Variants in SPRED1 observed in about 807,000 individuals in gnomAD.
SPRED1 encodes sprouty-related, EVH1 domain-containing protein 1.
Under a neutral mutation model 52.3 loss-of-function variants are expected in SPRED1, and 18 were observed. The observed-to-expected ratio is 0.34, with a 90% confidence interval of 0.24 to 0.51. The LOEUF is 0.51. SPRED1 is among the 20% of genes least tolerant of loss of function. The probability of loss-of-function intolerance (pLI) is 0.97; values close to 1 mark genes in which losing one functional copy is unlikely to be tolerated. For synonymous variants in SPRED1, 155 were observed against 179.7 expected, an observed-to-expected ratio of 0.86 and a Z score of 1.10; for missense variants, 485 against 551.0, an observed-to-expected ratio of 0.88 and a Z score of 1.20.
chr15:38,297,495 G>A (rs72711705), intron 1 of SPRED1, among the ~76,000 whole-genome samples: 13,818 of 152,152 alleles, frequency 0.091, 757 homozygotes, highest in East Asian at 0.21. Context: ...TCCTCTGACT[G>A]TTTCTCTGAG....
chr15:38,321,895 A>G (rs1443207263), intron 2 of SPRED1, among the ~76,000 whole-genome samples: 1 of 152,106 alleles, frequency 6.6e-6, no homozygotes, highest in Admixed American at 6.6e-5. Context: ...GCCCCCAGCC[A>G]AAAATGACTT....
At chr15:38,318,395 A>T (rs1895531944) in intron 2 of SPRED1, among the ~76,000 whole-genome samples, 1 of 152,104 alleles carries the variant, frequency 6.6e-6, no homozygotes, top group Non-Finnish European at 1.5e-5. Flanking sequence ...GAGCTAGTTC[A>T]TTGGCCTCTT....
rs150245842 is a variant in SPRED1, at chr15:38,287,300, C to A, written c.33-12073C>A. ...CATTATTCTAGTCTGTATTTCTCACCTGGATTTCTAGCATGCCACCTTCAT... is the reference window on the plus strand; with the variant it reads ...CATTATTCTAGTCTGTATTTCTCACATGGATTTCTAGCATGCCACCTTCAT... On this transcript the variant is annotated intron_variant, in intron 1 of 6. Transcript: ENST00000299084. Among the ~76,000 whole-genome samples, 5 of 152,214 alleles carry A rather than the reference C, an allele frequency of 3.3e-5. No homozygotes were observed. The East Asian group carries it at 9.6e-4, about 29-fold the overall frequency.
chr15:38,282,064 A>C (rs987783763), intron 1 of SPRED1, among the ~76,000 whole-genome samples: 2 of 152,204 alleles, frequency 1.3e-5, no homozygotes, highest in Admixed American at 1.3e-4. Context: ...AAGTTGTCAT[A>C]GTCCAGTGGA....
intron 5 of SPRED1, among the ~76,000 whole-genome samples, chr15:38,341,419 T>G (rs1896027473): frequency 6.6e-6 from 1 of 151,980 alleles, no homozygotes; most frequent in South Asian, 2.1e-4. Flanking sequence ...TTTTTCCTTT[T>G]TTTCTCTCTT....
At chr15:38,274,613 A>C (rs12912664) in intron 1 of SPRED1, among the ~76,000 whole-genome samples, 1 of 152,038 alleles carries the variant, frequency 6.6e-6, no homozygotes, top group Non-Finnish European at 1.5e-5. Context: ...ATTATTATCA[A>C]CTGGCAATAT....
chr15:38,330,182 G>A (rs534581934), intron 4 of SPRED1, among the ~76,000 whole-genome samples: 51 of 152,224 alleles, frequency 3.4e-4, no homozygotes, highest in African/African-American at 1.1e-3. Context: ...CATTAGAAAC[G>A]TAGTTTAGTT....
intron 5 of SPRED1, among the ~76,000 whole-genome samples, chr15:38,343,108 T>A (rs1896061154): frequency 6.6e-6 from 1 of 152,040 alleles, no homozygotes; most frequent in South Asian, 2.1e-4. Context: ...GGAAAGGAAA[T>A]GATGGAGTAG....
chr15:38,290,952 C>T (rs1184627759), intron 1 of SPRED1, among the ~76,000 whole-genome samples: 2 of 152,132 alleles, frequency 1.3e-5, no homozygotes, highest in Non-Finnish European at 2.9e-5. Context: ...CAACAGTCCC[C>T]CAGAGTCTTA....
At chr15:38,270,065 G>A (rs555234592) in intron 1 of SPRED1, among the ~76,000 whole-genome samples, 3 of 152,066 alleles carry the variant, frequency 2.0e-5, no homozygotes, top group Non-Finnish European at 4.4e-5. Context: ...GTGCCACCAT[G>A]CCCGGCTAAT....
intron 1 of SPRED1, among the ~76,000 whole-genome samples, chr15:38,290,421 T>C (rs1258822731): frequency 2.0e-5 from 3 of 152,232 alleles, no homozygotes; most frequent in Non-Finnish European, 4.4e-5. Context: ...TGAAAACCTC[T>C]ATTCATCTCT....
chr15:38,284,816 G>C (rs112419445), intron 1 of SPRED1, among the ~76,000 whole-genome samples: 211 of 149,526 alleles, frequency 1.4e-3, no homozygotes, highest in African/African-American at 3.7e-3. Context: ...CTCCACTCCT[G>C]TGGTTTTTAA....
intron 5 of SPRED1, among the ~76,000 whole-genome samples, chr15:38,346,604 A>G (rs1475049968): frequency 2.0e-5 from 3 of 152,324 alleles, no homozygotes; most frequent in Middle Eastern, 3.4e-3. Flanking sequence ...TTTGTCTAAC[A>G]TTCTCATGCT....
At chr15:38,335,333 A>G (rs561824425) in intron 4 of SPRED1, among the ~76,000 whole-genome samples, 2 of 152,204 alleles carry the variant, frequency 1.3e-5, no homozygotes, top group Non-Finnish European at 2.9e-5. Context: ...CTGAAGAATA[A>G]TGGGACAAAG....
chr15:38,268,940 CTTTT>C (rs66775738), intron 1 of SPRED1, among the ~76,000 whole-genome samples: 7 of 121,870 alleles, frequency 5.7e-5, no homozygotes, highest in Non-Finnish European at 3.6e-5. Flanking sequence ...TAACTTTTTT[CTTTT>C]TTTTTTTTTT....
intron 5 of SPRED1, among the ~76,000 whole-genome samples, chr15:38,346,872 C>G (rs148681275): frequency 6.6e-6 from 1 of 152,162 alleles, no homozygotes; most frequent in Non-Finnish European, 1.5e-5. Flanking sequence ...TGAAAGACTT[C>G]GGAAATAACT....
Position 38,354,886 on chromosome 15 carries a change from A to G in SPRED1, c.*3222A>G, listed in dbSNP as rs1467162686. ...TCAGGGAGAATTTTTAAAAATAATA[A>G]TCAAAACATGAAAAAACATAATCAC... On this transcript the variant is annotated 3_prime_UTR_variant, in exon 7 of 7. Transcript: ENST00000299084. The G allele has an allele frequency of 6.6e-6, 1 of 152,214 alleles. No homozygotes were observed. The highest frequency in any genetic ancestry group is 1.5e-5 in the Non-Finnish European group (1 of 68,042). 9.4% of individuals were successfully genotyped at this position (152,214 alleles called of 1,614,324 possible). A position where few individuals can be genotyped will look rare whatever the true frequency, so the allele number is the denominator to read the frequency against.
intron 2 of SPRED1, among the ~76,000 whole-genome samples, chr15:38,321,751 A>C (rs1895606140): frequency 6.6e-6 from 1 of 151,808 alleles, no homozygotes. Context: ...GTACCTCCAC[A>C]CCCAGCTAAT....
chr15:38,293,200 A>G (rs1487201876), intron 1 of SPRED1, among the ~76,000 whole-genome samples: 2 of 143,386 alleles, frequency 1.4e-5, no homozygotes, highest in Admixed American at 7.8e-5. Flanking sequence ...CCCAGGCTCA[A>G]GTAATTTTCC....
Sources: allele counts gnomAD v4.1 joint callset (sites outside exome capture counted in the v4.1 genomes callset), GRCh38; gene constraint gnomAD v4.1.1; transcripts MANE v1.5; gene names NCBI Gene and HGNC (gene_info 2026-07-23, HGNC 2026-07-21).